The following XKR6 variants were observed in gnomAD, a reference collection of about 807,000 sequenced individuals.
XKR6 encodes XK-related protein 6.
In XKR6, 22 loss-of-function variants were observed where a neutral mutation model predicts 56.7. That is an observed-to-expected ratio of 0.39 (90% confidence interval 0.28 to 0.55). The LOEUF (loss-of-function observed/expected upper bound fraction) is 0.55, where lower values mean the gene tolerates loss of function less well. Among genes scored for constraint, XKR6 ranks in the 20% least tolerant of loss-of-function variants. The probability of loss-of-function intolerance (pLI) is 0.66; values close to 1 mark genes in which losing one functional copy is unlikely to be tolerated. For missense variants in XKR6, 852 were observed against 889.0 expected (o/e 0.96, Z 0.53); for synonymous variants, 524 against 387.8 (o/e 1.35, Z -4.13).
chr8:10,960,008 AG>A (rs145985562), intron 1 of XKR6, among the ~76,000 whole-genome samples: 8,309 of 151,724 alleles, frequency 0.055, 253 homozygotes, highest in Middle Eastern at 0.068. Context: ...CCTGAAGGTC[AG>A]GGGGGGGCCT....
chr8:11,124,792 G>C (rs1469222146), intron 1 of XKR6: 3 of 152,072 alleles, frequency 2.0e-5, no homozygotes, highest in Non-Finnish European at 4.4e-5. Context: ...TTTAAAAAAA[G>C]TATTGATGCT....
intron 1 of XKR6, among the ~76,000 whole-genome samples, chr8:11,024,203 A>AGGGG (rs200246833): frequency 3.4e-4 from 33 of 98,188 alleles, no homozygotes; most frequent in African/African-American, 1.1e-3. Context: ...ACCTGTTAGG[A>AGGGG]GGTGTGTGTG....
chr8:11,094,146 A>G (rs977731137), intron 1 of XKR6, among the ~76,000 whole-genome samples: 8 of 149,746 alleles, frequency 5.3e-5, no homozygotes, highest in African/African-American at 1.0e-4. Flanking sequence ...GTCATATCCT[A>G]GATCCACTGA....
intron 1 of XKR6, among the ~76,000 whole-genome samples, chr8:11,134,270 A>G (rs1224241245): frequency 6.6e-6 from 1 of 152,082 alleles, no homozygotes; most frequent in Non-Finnish European, 1.5e-5. Context: ...CATCTGGATT[A>G]CCTCCCTTTC....
intron 1 of XKR6, chr8:11,106,079 G>A (rs1798663452): frequency 1.3e-5 from 2 of 152,084 alleles, no homozygotes; most frequent in African/African-American, 2.4e-5. Context: ...ATACATAAAG[G>A]AAAAATTTTA....
At chr8:11,063,558 G>T (rs953670676) in intron 1 of XKR6, among the ~76,000 whole-genome samples, 1 of 150,978 alleles carries the variant, frequency 6.6e-6, no homozygotes, top group Non-Finnish European at 1.5e-5. Flanking sequence ...CTGAGATTAT[G>T]TTATGGCATT....
At chr8:10,983,723 T>C (rs550642171) in intron 1 of XKR6, among the ~76,000 whole-genome samples, 6 of 152,082 alleles carry the variant, frequency 3.9e-5, no homozygotes, top group Non-Finnish European at 7.4e-5. Context: ...TGGCCTGATC[T>C]CAGCTCACTG....
At chr8:11,171,485 G>C (rs771512495) in intron 1 of XKR6, among the ~76,000 whole-genome samples, 1 of 152,182 alleles carries the variant, frequency 6.6e-6, no homozygotes, top group Non-Finnish European at 1.5e-5. Context: ...GGGTCATGGG[G>C]GCAGATGCCT....
intron 2 of XKR6, among the ~76,000 whole-genome samples, chr8:10,923,193 C>T (rs1800773598): frequency 2.0e-5 from 3 of 152,232 alleles, no homozygotes; most frequent in Admixed American, 6.5e-5. Flanking sequence ...TGTCAAAGGG[C>T]GGAACTGGTC....
At chr8:10,970,816 A>C (rs1563319422) in intron 1 of XKR6, among the ~76,000 whole-genome samples, 7 of 152,002 alleles carry the variant, frequency 4.6e-5, no homozygotes, top group South Asian at 4.2e-4. Flanking sequence ...AAAAAAAAAA[A>C]AAAAAACCTC....
chr8:11,148,447 G>A (rs574259714), intron 1 of XKR6, among the ~76,000 whole-genome samples: 5 of 152,300 alleles, frequency 3.3e-5, no homozygotes, highest in African/African-American at 9.6e-5. Context: ...CTTGGACTTC[G>A]AGACTCCAGA....
At chr8:11,053,062 C>T (rs1042456941) in intron 1 of XKR6, among the ~76,000 whole-genome samples, 9 of 152,280 alleles carry the variant, frequency 5.9e-5, no homozygotes, top group Middle Eastern at 3.4e-3. Context: ...CCCCCCCACG[C>T]GCCACCCTGT....
At chr8:11,168,056 C>CA (rs1261801836) in intron 1 of XKR6, among the ~76,000 whole-genome samples, 1 of 151,728 alleles carries the variant, frequency 6.6e-6, no homozygotes, top group Non-Finnish European at 1.5e-5. Context: ...CCAAAAACAA[C>CA]AAAAAAAGCA....
intron 1 of XKR6, among the ~76,000 whole-genome samples, chr8:11,171,553 G>A (rs970306212): frequency 5.9e-5 from 9 of 152,104 alleles, no homozygotes; most frequent in African/African-American, 1.9e-4. Context: ...TAGTCCCCAC[G>A]GGAGCTGGTT....
chr8:10,927,518 G>A (rs1800926257), intron 1 of XKR6, among the ~76,000 whole-genome samples: 1 of 152,100 alleles, frequency 6.6e-6, no homozygotes, highest in Non-Finnish European at 1.5e-5. Flanking sequence ...TGGAGGAACG[G>A]TTATATGGCA....
In XKR6 at chr8:10,942,599, C is replaced by T. The variant is rs563284499; in HGVS notation, c.765-17769G>A. ...GCTGTTGGACTCACCTCAGAGAGGA[C>T]AGCAGGAGCCCTCAAATTACGAAGT... On this transcript the variant is annotated intron_variant, in intron 1 of 2. Coordinates refer to ENST00000416569, the MANE Select transcript of XKR6 (RefSeq NM_173683.4). Among the ~76,000 whole-genome samples the T allele has an allele frequency of 2.0e-5, 3 of 152,352 alleles. No individual in the cohort carries two copies. In the South Asian group the frequency reaches 6.2e-4, roughly 32 times the overall value.
intron 1 of XKR6, among the ~76,000 whole-genome samples, chr8:10,958,485 C>T (rs1801964295): frequency 6.6e-6 from 1 of 152,346 alleles, no homozygotes; most frequent in Middle Eastern, 3.4e-3. Context: ...AGGGGTCATC[C>T]TGAGAGCTGG....
Position 10,946,542 on chromosome 8 carries a change from G to A in XKR6, c.765-21712C>T, listed in dbSNP as rs535437361. On this transcript the variant is annotated intron_variant, in intron 1 of 2. Transcript: ENST00000416569. ...TCCACCCCTCCCACCCCTGGGGGTG[G>A]CGTGTCCTGCGGTTTTCCCTCCCCA... Among the ~76,000 whole-genome samples, 12 of 152,070 alleles carry A rather than the reference G, an allele frequency of 7.9e-5. No individual in the cohort carries two copies. In the South Asian group the frequency reaches 1.9e-3, roughly 24 times the overall value.
chr8:10,925,779 A>G (rs780157697), intron 1 of XKR6, among the ~76,000 whole-genome samples: 8 of 152,278 alleles, frequency 5.3e-5, no homozygotes, highest in Non-Finnish European at 8.8e-5. Context: ...CACAGTCGGC[A>G]TCTCCCCAGG....
Sources: allele counts gnomAD v4.1 joint callset (sites outside exome capture counted in the v4.1 genomes callset), GRCh38; gene constraint gnomAD v4.1.1; transcripts MANE v1.5; gene names NCBI Gene and HGNC (gene_info 2026-07-23, HGNC 2026-07-21).